The following MEGF6 variants were observed in gnomAD, a reference collection of about 807,000 sequenced individuals.
MEGF6 encodes the protein multiple EGF like domains 6, also known as multiple epidermal growth factor-like domains protein 6.
In MEGF6, 184 loss-of-function variants were observed where a neutral mutation model predicts 207.1. The observed-to-expected ratio is 0.89, with a 90% CI of 0.79 to 1.00. The LOEUF (loss-of-function observed/expected upper bound fraction) is 1.00, where lower values mean the gene tolerates loss of function less well. Among genes scored for constraint, MEGF6 ranks in the 50% least tolerant of loss-of-function variants. The probability of loss-of-function intolerance (pLI) is 0.00; values close to 1 mark genes in which losing one functional copy is unlikely to be tolerated. For missense variants in MEGF6, 2,282 were observed against 2,202.9 expected, an observed-to-expected ratio of 1.04 and a Z score of -0.72; for synonymous variants, 1,038 against 910.0, an observed-to-expected ratio of 1.14 and a Z score of -2.53.
At chr1:3,604,551 G>C (rs144526456) in intron 1 of MEGF6, among the ~76,000 whole-genome samples, 1 of 152,316 alleles carries the variant, frequency 6.6e-6, no homozygotes, top group Non-Finnish European at 1.5e-5. Flanking sequence ...CCTGGGTGGA[G>C]AGCGAGACTT....
At chr1:3,604,493 G>A (rs1468184156) in intron 1 of MEGF6, among the ~76,000 whole-genome samples, 2 of 152,192 alleles carry the variant, frequency 1.3e-5, no homozygotes, top group Admixed American at 6.5e-5. Context: ...CAGGGCAGGT[G>A]GAAAGGCTCT....
chr1:3,590,075 C>T (rs1438199242), intron 3 of MEGF6, among the ~76,000 whole-genome samples: 1 of 152,218 alleles, frequency 6.6e-6, no homozygotes, highest in Admixed American at 6.5e-5. Context: ...TGGCCTCCCC[C>T]TCCCCTGGGC....
intron 21 of MEGF6, among the ~76,000 whole-genome samples, chr1:3,500,150 TCCCCAGGGGCTGTCCGTAGGACG>T (rs2100918376): frequency 6.6e-6 from 1 of 152,238 alleles, no homozygotes; most frequent in African/African-American, 2.4e-5. Context: ...GATGGGAACC[TCCCCAGGGGCTGTCCGTAGGACG>T]CCCAACCCAG....
At chr1:3,501,582 G>A (rs1569963194) in intron 18 of MEGF6, among the ~76,000 whole-genome samples, 1 of 152,126 alleles carries the variant, frequency 6.6e-6, no homozygotes, top group Non-Finnish European at 1.5e-5. Context: ...TGCAGAGAGG[G>A]AGCAGCCCGA....
chr1:3,550,764 C>A (rs1050310235), intron 4 of MEGF6, among the ~76,000 whole-genome samples: 1 of 152,230 alleles, frequency 6.6e-6, no homozygotes, highest in Non-Finnish European at 1.5e-5. Flanking sequence ...GCCCTTGCAG[C>A]CGATCCAGCA....
intron 2 of MEGF6, among the ~76,000 whole-genome samples, chr1:3,595,688 T>C (rs918127482): frequency 6.6e-6 from 1 of 152,154 alleles, no homozygotes; most frequent in Non-Finnish European, 1.5e-5. Flanking sequence ...TCGTGCTGCA[T>C]GCAACCCGGG....
chr1:3,552,076 C>T (rs961457585), intron 4 of MEGF6, among the ~76,000 whole-genome samples: 16 of 152,210 alleles, frequency 1.1e-4, no homozygotes, highest in African/African-American at 3.4e-4. Flanking sequence ...CAAACTGTGG[C>T]TCAACTCTGG....
rs1570167123 is a variant in MEGF6 at position 3,573,592 on chromosome 1, C to G, written c.481+6233G>C. On this transcript the variant is annotated intron_variant, in intron 4 of 36. Coordinates refer to ENST00000356575, the MANE Select transcript of MEGF6 (RefSeq NM_001409.4). The surrounding 1 kb of genome is among the most constrained non-coding windows in gnomAD (Gnocchi z 5.1). ...CCATGGCAGGGAGCAGGACCAGAGA[C>G]AGCCCCAGCTCCAGCTCCAGCCAGG... Among the ~76,000 whole-genome samples, 2 of 152,180 alleles carry G rather than the reference C, an allele frequency of 1.3e-5. No individual in the cohort carries two copies. The highest frequency in any genetic ancestry group is 2.9e-5 in the Non-Finnish European group (2 of 68,028).
At chr1:3,524,376 C>T (rs778762447) in intron 4 of MEGF6, 130 bp from the exon 5 acceptor site, 242 of 1,193,280 alleles carry the variant, frequency 2.0e-4, no homozygotes, top group Non-Finnish European at 2.7e-4. Context: ...CCATGAGCCC[C>T]TCACCCACAT....
chr1:3,605,151 C>CAG (rs1644224510), intron 1 of MEGF6, among the ~76,000 whole-genome samples: 2 of 70,788 alleles, frequency 2.8e-5, no homozygotes, highest in Admixed American at 1.7e-4. Context: ...CAGTCACACA[C>CAG]TCACAGTCAC....
At chr1:3,567,052 C>A (rs886256106) in intron 4 of MEGF6, among the ~76,000 whole-genome samples, 4 of 152,264 alleles carry the variant, frequency 2.6e-5, no homozygotes, top group Non-Finnish European at 5.9e-5. Context: ...CACACCCCAG[C>A]GGCAGGTGCA....
intron 3 of MEGF6, among the ~76,000 whole-genome samples, chr1:3,590,720 C>G (rs1643962674): frequency 2.6e-5 from 4 of 151,834 alleles, no homozygotes; most frequent in Admixed American, 2.6e-4. Context: ...AGGGGCCTCC[C>G]CTGTCCCTCC....
intron 3 of MEGF6, among the ~76,000 whole-genome samples, chr1:3,580,901 C>G (rs1643780831): frequency 1.3e-5 from 2 of 152,132 alleles, no homozygotes; most frequent in Non-Finnish European, 2.9e-5. Context: ...TCACTCACAG[C>G]ACCCCTGCCA....
chr1:3,506,863 T>G (rs1641138289), intron 14 of MEGF6, among the ~76,000 whole-genome samples: 1 of 152,134 alleles, frequency 6.6e-6, no homozygotes, highest in African/African-American at 2.4e-5. Flanking sequence ...TGGCCCTGAA[T>G]CCAAAGACAA....
upstream of MEGF6, among the ~76,000 whole-genome samples, chr1:3,612,919 TA>T (rs1408458516): frequency 6.6e-6 from 1 of 152,164 alleles, no homozygotes; most frequent in African/African-American, 2.4e-5. Context: ...AGGGGAGACC[TA>T]GGTCACAGGA....
At chr1:3,584,183 C>G (rs1406361672) in intron 3 of MEGF6, among the ~76,000 whole-genome samples, 2 of 152,252 alleles carry the variant, frequency 1.3e-5, no homozygotes, top group Admixed American at 1.3e-4. Flanking sequence ...CAGGCCATGT[C>G]TGTAGCCTCT....
At chr1:3,561,505 G>A (rs1271821876) in intron 4 of MEGF6, among the ~76,000 whole-genome samples, 4 of 152,218 alleles carry the variant, frequency 2.6e-5, no homozygotes, top group Non-Finnish European at 5.9e-5. Context: ...TGCTGGTGGA[G>A]AGACCCTTCC....
chr1:3,491,774 G>C (rs1349709966), intron 35 of MEGF6, among the ~76,000 whole-genome samples: 1 of 126,970 alleles, frequency 7.9e-6, no homozygotes, highest in Non-Finnish European at 1.6e-5. Context: ...CGGTGCGGGG[G>C]TGGGGGGGGG....
At chr1:3,598,487 T>G (rs78462652) in intron 2 of MEGF6, among the ~76,000 whole-genome samples, 1 of 120,686 alleles carries the variant, frequency 8.3e-6, no homozygotes, top group Non-Finnish European at 1.9e-5. Context: ...TTTGGGCCTG[T>G]GCGTGGTAAA....
Sources: gnomAD v4.1 joint callset for allele counts (sites outside exome capture counted in the v4.1 genomes callset) on GRCh38, gnomAD v4.1.1 for gene constraint, Gnocchi (gnomAD v3.1) non-coding constraint, MANE v1.5 for transcripts, NCBI Gene and HGNC (gene_info 2026-07-23, HGNC 2026-07-21) for gene names.